The following MBNL2 variants were observed in gnomAD, a reference collection of about 807,000 sequenced individuals.
MBNL2 encodes muscleblind-like protein 2.
A neutral mutation model predicts 41.9 loss-of-function variants in MBNL2; 17 were observed. The ratio of observed to expected loss-of-function variants is 0.41; its 90% CI spans 0.28 to 0.61. MBNL2 has a LOEUF of 0.61. Among genes scored for constraint, MBNL2 ranks in the 20% least tolerant of loss-of-function variants. The probability of loss-of-function intolerance (pLI) is 0.35; values close to 1 mark genes in which losing one functional copy is unlikely to be tolerated. For synonymous variants in MBNL2, 195 were observed against 182.9 expected (o/e 1.07, Z -0.53); for missense variants, 336 against 505.6 (o/e 0.66, Z 3.22).
At chr13:97,370,550 T>C (rs1445941585) in intron 8 of MBNL2, among the ~76,000 whole-genome samples, 1 of 151,642 alleles carries the variant, frequency 6.6e-6, no homozygotes, top group African/African-American at 2.4e-5. Context: ...ATGCCTGTAA[T>C]CCCAGCTACT....
chr13:97,236,713 A>G (rs1415657616), intron 1 of MBNL2, among the ~76,000 whole-genome samples: 1 of 152,108 alleles, frequency 6.6e-6, no homozygotes, highest in African/African-American at 2.4e-5. Context: ...TATAATCAGA[A>G]CCATGAAGGG....
intron 1 of MBNL2, among the ~76,000 whole-genome samples, chr13:97,269,598 C>T (rs1041345192): frequency 3.3e-5 from 5 of 152,178 alleles, no homozygotes; most frequent in South Asian, 4.1e-4. Flanking sequence ...GCTTCCCACC[C>T]AGGGTGACTG....
At chr13:97,252,086 A>G (rs1344954453) in intron 1 of MBNL2, among the ~76,000 whole-genome samples, 2 of 150,740 alleles carry the variant, frequency 1.3e-5, no homozygotes, top group African/African-American at 4.9e-5. Flanking sequence ...TCCTGACCTC[A>G]TGATCCACCC....
intron 1 of MBNL2, among the ~76,000 whole-genome samples, chr13:97,228,529 C>CT (rs5806008): frequency 0.65 from 83,603 of 128,038 alleles, 27,777 homozygotes; most frequent in African/African-American, 0.67. Flanking sequence ...TATTTATTAT[C>CT]TTTTTTTTTT....
chr13:97,337,943 C>A (rs964517499), intron 3 of MBNL2, among the ~76,000 whole-genome samples: 1 of 152,178 alleles, frequency 6.6e-6, no homozygotes, highest in Non-Finnish European at 1.5e-5. Flanking sequence ...TCTCAGCTCC[C>A]TCATCTAAGC....
chr13:97,378,644 T>G (rs1174360245), intron 8 of MBNL2, among the ~76,000 whole-genome samples: 2 of 152,202 alleles, frequency 1.3e-5, no homozygotes, highest in African/African-American at 4.8e-5. Context: ...TGCTCATATT[T>G]AAGAATCTTA....
intron 2 of MBNL2, among the ~76,000 whole-genome samples, chr13:97,297,469 G>T (rs1324453974): frequency 2.0e-5 from 3 of 152,108 alleles, no homozygotes; most frequent in Non-Finnish European, 4.4e-5. Flanking sequence ...CATCTCATCA[G>T]ACTTGACTGG....
chr13:97,228,111 C>T (rs2041904077), intron 1 of MBNL2, among the ~76,000 whole-genome samples: 2 of 152,142 alleles, frequency 1.3e-5, no homozygotes, highest in South Asian at 4.1e-4. Flanking sequence ...GTGTTAGAAA[C>T]TGGCTGTTTT....
intron 7 of MBNL2, among the ~76,000 whole-genome samples, chr13:97,362,368 A>T (rs1484707947): frequency 2.6e-5 from 4 of 152,176 alleles, no homozygotes; most frequent in Non-Finnish European, 4.4e-5. Context: ...TAAAAATAGA[A>T]ACTGACTTGA....
intron 7 of MBNL2, among the ~76,000 whole-genome samples, chr13:97,358,182 G>T (rs1426896348): frequency 6.6e-6 from 1 of 152,146 alleles, no homozygotes; most frequent in Non-Finnish European, 1.5e-5. Flanking sequence ...GCCAATGCCT[G>T]ATACTATTAC....
chr13:97,357,862 C>A, intron 7 of MBNL2: 1 of 572,426 alleles, frequency 1.7e-6, no homozygotes, highest in Non-Finnish European at 3.1e-6. Flanking sequence ...CAGATTTAAC[C>A]CATGAGAAAC....
chr13:97,165,244 A>G, the MBNL2 span, among the ~76,000 whole-genome samples: 1 of 152,164 alleles, frequency 6.6e-6, no homozygotes, highest in South Asian at 2.1e-4. Flanking sequence ...ACAAATTTTA[A>G]GGGTCTATGC....
intron 8 of MBNL2, among the ~76,000 whole-genome samples, chr13:97,379,000 G>A (rs1001829350): frequency 1.3e-5 from 2 of 152,168 alleles, no homozygotes; most frequent in African/African-American, 4.8e-5. Flanking sequence ...AGGCTTGCAT[G>A]CCTGCAAATC....
chr13:97,309,591 C>T (rs1223683653), intron 2 of MBNL2, among the ~76,000 whole-genome samples: 1 of 152,138 alleles, frequency 6.6e-6, no homozygotes, highest in African/African-American at 2.4e-5. Flanking sequence ...GGACTTCTGC[C>T]CCTAGAACTG....
chr13:97,144,865 A>G, the MBNL2 span, among the ~76,000 whole-genome samples: 1 of 152,172 alleles, frequency 6.6e-6, no homozygotes, highest in Non-Finnish European at 1.5e-5. Context: ...AGAACATTAG[A>G]AGCAAAGTAT....
At chr13:97,155,448 A>T in the MBNL2 span, among the ~76,000 whole-genome samples, 79 of 148,292 alleles carry the variant, frequency 5.3e-4, 1 homozygote, top group Non-Finnish European at 1.1e-3. Flanking sequence ...CACATTGTGC[A>T]GGTTAGTTAC....
the MBNL2 span, among the ~76,000 whole-genome samples, chr13:97,198,893 G>GCT: frequency 7.2e-5 from 11 of 151,730 alleles, no homozygotes; most frequent in Non-Finnish European, 4.4e-5. Context: ...CTCCTAACTG[G>GCT]CCTCCTGCTC....
At chr13:97,368,906 A>G (rs150197289) in intron 8 of MBNL2, among the ~76,000 whole-genome samples, 46 of 152,336 alleles carry the variant, frequency 3.0e-4, no homozygotes, top group African/African-American at 1.0e-3. Flanking sequence ...AAGAAATGTA[A>G]TTAAAGGAGT....
chr13:97,271,120 T>TG (rs2050871711), intron 1 of MBNL2, among the ~76,000 whole-genome samples: 1 of 150,948 alleles, frequency 6.6e-6, no homozygotes, highest in African/African-American at 2.4e-5. Context: ...TTGTTTTTTT[T>TG]TTTTTGTTTT....
Sources: allele counts gnomAD v4.1 joint callset (sites outside exome capture counted in the v4.1 genomes callset), GRCh38; gene constraint gnomAD v4.1.1; transcripts MANE v1.5; gene names NCBI Gene and HGNC (gene_info 2026-07-23, HGNC 2026-07-21).